The following UCK2 variants were observed in gnomAD, a reference collection of about 807,000 sequenced individuals.
UCK2 encodes the protein uridine-cytidine kinase 2.
In UCK2, 6 loss-of-function variants were observed where a neutral mutation model predicts 30.8. The observed-to-expected ratio is 0.19, with a 90% CI of 0.11 to 0.38. The LOEUF is 0.38. UCK2 is among the 10% of genes least tolerant of loss of function. UCK2 has a pLI of 1.00. For missense variants in UCK2, 210 were observed against 339.8 expected, an observed-to-expected ratio of 0.62 and a Z score of 3.00; for synonymous variants, 125 against 133.6, an observed-to-expected ratio of 0.94 and a Z score of 0.45.
intron 1 of UCK2, among the ~76,000 whole-genome samples, chr1:165,878,697 C>T (rs1655400437): frequency 6.6e-6 from 1 of 152,236 alleles, no homozygotes; most frequent in African/African-American, 2.4e-5. Flanking sequence ...AGCTGTACCA[C>T]AGTTTATTCA....
chr1:165,898,923 C>T (rs1436331548), intron 4 of UCK2, among the ~76,000 whole-genome samples: 1 of 152,190 alleles, frequency 6.6e-6, no homozygotes, highest in African/African-American at 2.4e-5. Flanking sequence ...GAGTCACTTT[C>T]CTGATGGATT....
chr1:165,827,885 G>C lies in UCK2; in HGVS notation c.52G>C (p.Gly18Arg). 1 of 1,479,286 alleles carries C rather than the reference G, an allele frequency of 6.8e-7. No individual in the cohort carries two copies. The highest frequency in any genetic ancestry group is 2.8e-5 in the East Asian group (1 of 35,890). 91.6% of individuals were successfully genotyped at this position (1,479,286 alleles called of 1,614,324 possible). Reference protein sequence around the residue: ...TLQNHQQPNGGEPFLIGVSGG... With the variant: ...TLQNHQQPNGREPFLIGVSGG... ...GCAGAACCACCAGCAGCCCAACGGCGGCGAGCCCTTCCTTATAGGCGTCAG... is the reference window on the plus strand; with the variant it reads ...GCAGAACCACCAGCAGCCCAACGGCCGCGAGCCCTTCCTTATAGGCGTCAG... Residue 18 changes from glycine (G) to arginine (R), a missense_variant, in exon 1 of 7, where the codon GGC becomes CGC. By Grantham distance (125) the Gly-to-Arg change is moderately radical (BLOSUM62 -2). This residue lies in a region of UCK2 where 50 missense variants were observed against 41.0 expected (regional missense o/e 1.22). Coordinates refer to ENST00000367879, the MANE Select transcript of UCK2 (RefSeq NM_012474.5).
In UCK2 at chr1:165,903,245, T is replaced by A; in HGVS notation, c.563T>A (p.Phe188Tyr). ...CAGATTTTATCTCAGTACATTACGT[T>A]CGTCAAGCCTGCCTTTGAGGAATTC... ...LEQILSQYIT[F>Y]VKPAFEEFCL... is the part of the protein sequence containing the mutation. Residue 188 changes from phenylalanine to tyrosine, a missense_variant, in exon 5 of 7, where the codon TTC becomes TAC. Around this residue, in one of 4 missense-constraint regions of UCK2, gnomAD observed 47 missense variants for 128.7 expected, o/e 0.37. Coordinates refer to ENST00000367879, the MANE Select transcript of UCK2 (RefSeq NM_012474.5). The A allele has an allele frequency of 6.2e-7, 1 of 1,614,174 alleles. No homozygotes were observed. The highest frequency in any genetic ancestry group is 8.5e-7 in the Non-Finnish European group (1 of 1,180,002).
At chr1:165,850,615 AAT>A (rs1654566840) in intron 1 of UCK2, among the ~76,000 whole-genome samples, 1 of 79,052 alleles carries the variant, frequency 1.3e-5, no homozygotes, top group Admixed American at 1.9e-4. Flanking sequence ...CTAATTTTTA[AAT>A]TTTTTTTTTT....
chr1:165,906,137 A>G (rs1647650531), intron 6 of UCK2, among the ~76,000 whole-genome samples, 168 bp downstream of exon 6: 1 of 152,204 alleles, frequency 6.6e-6, no homozygotes, highest in African/African-American at 2.4e-5. Flanking sequence ...CCTCAGGAAC[A>G]GGTCCCTGGG....
At chr1:165,889,999 A>T (rs2101881097) in intron 1 of UCK2, among the ~76,000 whole-genome samples, 1 of 152,060 alleles carries the variant, frequency 6.6e-6, no homozygotes, top group African/African-American at 2.4e-5. Flanking sequence ...AGCTCCATCC[A>T]TGTTCCCACA....
At chr1:165,848,528 A>G (rs1265498733) in intron 1 of UCK2, among the ~76,000 whole-genome samples, 1 of 151,996 alleles carries the variant, frequency 6.6e-6, no homozygotes, top group African/African-American at 2.4e-5. Context: ...GCTACTCAGG[A>G]GGCTGAGGCA....
intron 1 of UCK2, among the ~76,000 whole-genome samples, chr1:165,841,924 A>T (rs1261652194): frequency 6.6e-6 from 1 of 152,204 alleles, no homozygotes; most frequent in Non-Finnish European, 1.5e-5. Flanking sequence ...CTGATTGTTG[A>T]AAGTATGCTA....
chr1:165,831,558 T>C (rs1383968253), intron 1 of UCK2, among the ~76,000 whole-genome samples: 1 of 152,208 alleles, frequency 6.6e-6, no homozygotes, highest in Admixed American at 6.5e-5. Context: ...AACCTCTTCA[T>C]TGGACAACTA....
At chr1:165,861,607 G>A (rs1299154222) in intron 1 of UCK2, among the ~76,000 whole-genome samples, 2 of 94,814 alleles carry the variant, frequency 2.1e-5, no homozygotes, top group East Asian at 6.9e-4. Context: ...CAGCCTGGGC[G>A]ACAGAGCGAG....
chr1:165,882,939 C>G (rs1571290025), intron 1 of UCK2, among the ~76,000 whole-genome samples: 1 of 152,136 alleles, frequency 6.6e-6, no homozygotes, highest in African/African-American at 2.4e-5. Flanking sequence ...ATCCTCCTGC[C>G]TCGGCCTCCC....
intron 6 of UCK2, 102 bp from the exon 7 acceptor site, chr1:165,907,563 GCCACTTCCCTGGAAGTCTT>G: frequency 7.2e-7 from 1 of 1,392,022 alleles, no homozygotes; most frequent in Non-Finnish European, 9.7e-7. Flanking sequence ...AAGTGGCAGA[GCCACTTCCCTGGAAGTCTT>G]TCTACTGTGG....
At chr1:165,835,968 C>T (rs1376208679) in intron 1 of UCK2, among the ~76,000 whole-genome samples, 1 of 152,160 alleles carries the variant, frequency 6.6e-6, no homozygotes, top group Non-Finnish European at 1.5e-5. Flanking sequence ...GTGGCTCATG[C>T]CTGTAATCCT....
At chr1:165,871,244 A>C (rs1399654451) in intron 1 of UCK2, among the ~76,000 whole-genome samples, 1 of 152,178 alleles carries the variant, frequency 6.6e-6, no homozygotes, top group Non-Finnish European at 1.5e-5. Flanking sequence ...TCTTAACAGG[A>C]TACCCTGCAC....
intron 1 of UCK2, among the ~76,000 whole-genome samples, chr1:165,881,319 T>G (rs2101876567): frequency 6.6e-6 from 1 of 152,294 alleles, no homozygotes; most frequent in Admixed American, 6.5e-5. Flanking sequence ...ATTTGTACTA[T>G]ATTCTCCCCT....
Position 165,911,296 on chromosome 1 carries a change from G to A in UCK2, c.*3473G>A, listed in dbSNP as rs1188259761. On this transcript the variant is annotated 3_prime_UTR_variant, in exon 7 of 7. Coordinates refer to ENST00000367879, the MANE Select transcript of UCK2 (RefSeq NM_012474.5). ...AAGCATTCAAACAAAACAAGGAAGG[G>A]AACTGTCTGGCAAAGCATAAGTGGA... 6.6e-6 allele frequency: 1 copy of A among 152,212 alleles called. No homozygotes were observed. The highest frequency in any genetic ancestry group is 1.5e-5 in the Non-Finnish European group (1 of 68,104). 9.4% of individuals were successfully genotyped at this position (152,212 alleles called of 1,614,324 possible).
intron 1 of UCK2, among the ~76,000 whole-genome samples, chr1:165,852,722 C>G (rs1476240786): frequency 1.3e-5 from 2 of 152,208 alleles, no homozygotes; most frequent in African/African-American, 2.4e-5. Flanking sequence ...AGCATTTCAT[C>G]TATCCTTCCT....
Position 165,829,415 on chromosome 1 carries a change from TTTG to T in UCK2, c.99+1495_99+1497del, listed in dbSNP as rs1189359393. 1.1e-4 allele frequency among the ~76,000 whole-genome samples: 16 copies of T among 152,328 alleles called. No individual in the cohort carries two copies. The East Asian group carries it at 1.2e-3, about 11-fold the overall frequency. The stretch of plus-strand genomic sequence containing the variant: ...TATTCCTGTTGGATTGGGAGCATTT[TTTG>T]TTGTTGTTGTTCATGGCTGTTTTCC... On this transcript the variant is annotated intron_variant, in intron 1 of 6. Transcript: ENST00000367879.
chr1:165,901,655 AGAT>A (rs1647470793), intron 4 of UCK2, among the ~76,000 whole-genome samples: 1 of 152,204 alleles, frequency 6.6e-6, no homozygotes, highest in African/African-American at 2.4e-5. Context: ...TTAGCAGCTC[AGAT>A]GATAAGGTTA....
Sources: gnomAD v4.1 joint callset for allele counts (sites outside exome capture counted in the v4.1 genomes callset) on GRCh38, gnomAD v4.1.1 for gene constraint, gnomAD v4.1.1 regional missense constraint, MANE v1.5 for transcripts, NCBI Gene and HGNC (gene_info 2026-07-23, HGNC 2026-07-21) for gene names.